RAP2A: variants seen among roughly 807,000 people sequenced by gnomAD.
The protein encoded by RAP2A is RAP2A, member of RAS oncogene family, also known as ras-related protein Rap-2a.
RAP2A carries 5 observed loss-of-function variants against 15.1 expected under a neutral mutation model. The ratio of observed to expected loss-of-function variants is 0.33; its 90% CI spans 0.17 to 0.70. RAP2A has a LOEUF of 0.70. Ranked by LOEUF, RAP2A falls within the 30% of genes least tolerant of loss-of-function variation. The pLI, the probability that RAP2A is intolerant of heterozygous loss-of-function variation, is 0.68. For synonymous variants in RAP2A, 110 were observed against 99.7 expected (o/e 1.10, Z -0.62); for missense variants, 111 against 240.3 (o/e 0.46, Z 3.56).
intron 1 of RAP2A, among the ~76,000 whole-genome samples, 195 bp from the exon 2 acceptor site, chr13:97,464,010 C>G (rs111762712): frequency 2.8e-4 from 42 of 152,144 alleles, no homozygotes; most frequent in African/African-American, 1.0e-3. Flanking sequence ...TCATAAAACT[C>G]ATTTTATCAT....
chr13:97,434,435 G>A lies in RAP2A; in HGVS notation c.-36G>A. Reference sequence around the variant, plus strand: ...AGCGCGGCCGGCGTAGGTCTATGTCGCGGGCGGCGGCGGCGGCGGCGGCCG... The same window carrying A: ...AGCGCGGCCGGCGTAGGTCTATGTCACGGGCGGCGGCGGCGGCGGCGGCCG... On this transcript the variant is annotated 5_prime_UTR_variant, in exon 1 of 2. Coordinates refer to ENST00000245304, the MANE Select transcript of RAP2A (RefSeq NM_021033.7). 4.5e-6 allele frequency: 7 copies of A among 1,545,764 alleles called. No individual in the cohort carries two copies. The highest frequency in any genetic ancestry group is 6.1e-6 in the Non-Finnish European group (7 of 1,146,154).
intron 1 of RAP2A, among the ~76,000 whole-genome samples, chr13:97,460,245 T>G (rs984309606): frequency 3.9e-5 from 6 of 152,206 alleles, no homozygotes; most frequent in Admixed American, 2.0e-4. Flanking sequence ...GATGCACACT[T>G]TCATATCTCT....
chr13:97,452,551 C>T (rs2066706060), intron 1 of RAP2A, among the ~76,000 whole-genome samples: 1 of 150,914 alleles, frequency 6.6e-6, no homozygotes. Context: ...GTGTCTAATC[C>T]TCCAGCTTTG....
At chr13:97,458,341 G>A (rs1347597959) in intron 1 of RAP2A, among the ~76,000 whole-genome samples, 2 of 152,052 alleles carry the variant, frequency 1.3e-5, no homozygotes, top group Non-Finnish European at 2.9e-5. Flanking sequence ...CTTTAAATAC[G>A]CTACGATGCA....
At chr13:97,443,844 A>G (rs1055895993) in intron 1 of RAP2A, among the ~76,000 whole-genome samples, 2 of 152,234 alleles carry the variant, frequency 1.3e-5, no homozygotes, top group Non-Finnish European at 2.9e-5. Flanking sequence ...AGCACTTATT[A>G]GTTATGTAAT....
chr13:97,447,247 G>A (rs1430227549), intron 1 of RAP2A, among the ~76,000 whole-genome samples: 1 of 152,186 alleles, frequency 6.6e-6, no homozygotes, highest in African/African-American at 2.4e-5. Flanking sequence ...TATTAAGAAT[G>A]TAGTGTATTA....
chr13:97,448,854 C>G (rs1404923393), intron 1 of RAP2A, among the ~76,000 whole-genome samples: 1 of 152,130 alleles, frequency 6.6e-6, no homozygotes, highest in Non-Finnish European at 1.5e-5. Context: ...CAAGGCACTG[C>G]CTCCCTAAGG....
intron 1 of RAP2A, among the ~76,000 whole-genome samples, chr13:97,441,193 T>C (rs533019616): frequency 6.6e-6 from 1 of 152,264 alleles, no homozygotes; most frequent in South Asian, 2.1e-4. Context: ...AAGTTTAATA[T>C]GAACCTTAAA....
intron 1 of RAP2A, among the ~76,000 whole-genome samples, chr13:97,459,727 G>T (rs779462757): frequency 5.3e-5 from 8 of 152,124 alleles, no homozygotes; most frequent in Non-Finnish European, 7.3e-5. Context: ...TTAAAACTGT[G>T]GCACCTGTGC....
chr13:97,445,297 C>G (rs2066674993), intron 1 of RAP2A, among the ~76,000 whole-genome samples: 1 of 152,180 alleles, frequency 6.6e-6, no homozygotes, highest in Non-Finnish European at 1.5e-5. Flanking sequence ...ACTTCGTGAA[C>G]CAACAGTCCC....
Position 97,456,134 on chromosome 13 carries a change from G to A in RAP2A, c.315-8071G>A, listed in dbSNP as rs139203096. 4.3e-3 allele frequency among the ~76,000 whole-genome samples: 623 copies of A among 144,526 alleles called. 29 individuals carry two copies. Among genetic ancestry groups the A allele is most frequent in the African/African-American group, 0.015 (592 of 38,522 alleles). 94.8% of individuals were successfully genotyped at this position (144,526 alleles called of 152,430 possible). A position where few individuals can be genotyped will look rare whatever the true frequency, so the allele number is the denominator to read the frequency against. On this transcript the variant is annotated intron_variant, in intron 1 of 1. Transcript: ENST00000245304. ...GAACTGTGAAATAAGAAGGAAAAAA[G>A]TGAGGGTTTTCAGCCCACACACATA... is the stretch of plus-strand genomic sequence containing the variant.
At chr13:97,435,875 T>C (rs1278294287) in intron 1 of RAP2A, 1 of 152,230 alleles carries the variant, frequency 6.6e-6, no homozygotes, top group Non-Finnish European at 1.5e-5. Flanking sequence ...TCTGAAGACC[T>C]TTACTGAAAG....
At chr13:97,459,212 A>G (rs759801556) in intron 1 of RAP2A, among the ~76,000 whole-genome samples, 1 of 152,096 alleles carries the variant, frequency 6.6e-6, no homozygotes, top group Non-Finnish European at 1.5e-5. Context: ...TACATTGAAC[A>G]GTTTGAGAAT....
chr13:97,442,910 CT>C (rs774350953), intron 1 of RAP2A, among the ~76,000 whole-genome samples: 1 of 152,144 alleles, frequency 6.6e-6, no homozygotes, highest in African/African-American at 2.4e-5. Context: ...TATAGCATAT[CT>C]TTTGAGAAAG....
In RAP2A at chr13:97,434,375, G is replaced by A; in HGVS notation, c.-96G>A. 1.0e-6 allele frequency: 1 copy of A among 961,916 alleles called. No homozygotes were observed. The highest frequency in any genetic ancestry group is 1.2e-6 in the Non-Finnish European group (1 of 809,624). 59.6% of individuals were successfully genotyped at this position (961,916 alleles called of 1,614,324 possible). A position where few individuals can be genotyped will look rare whatever the true frequency, so the allele number is the denominator to read the frequency against. On this transcript the variant is annotated 5_prime_UTR_variant, in exon 1 of 2. Transcript: ENST00000245304. ...GAGGTGGGGGCGGCAGCGGGAGGCG[G>A]CGGGGCGGGCCGCCGGGGCCGGGGC...
Position 97,464,274 on chromosome 13 carries a change from C to T in RAP2A, c.384C>T (p.Ser128=). 2 of 1,614,200 alleles carry T rather than the reference C, an allele frequency of 1.2e-6. No individual in the cohort carries two copies. The highest frequency in any genetic ancestry group is 2.2e-5 in the East Asian group (1 of 44,878). Reference sequence around the variant, plus strand: ...TGGAAAGTGAGAGAGAAGTATCGTCCAGCGAAGGCAGAGCCCTTGCTGAAG... The same window carrying T: ...TGGAAAGTGAGAGAGAAGTATCGTCTAGCGAAGGCAGAGCCCTTGCTGAAG... The part of the protein sequence containing the change: ...VDLESEREVS[S]SEGRALAEEW... Residue 128 remains serine, a synonymous_variant, in exon 2 of 2, where the codon TCC becomes TCT. Coordinates refer to ENST00000245304, the MANE Select transcript of RAP2A (RefSeq NM_021033.7).
At chr13:97,446,169 T>C (rs1393775552) in intron 1 of RAP2A, among the ~76,000 whole-genome samples, 1 of 152,236 alleles carries the variant, frequency 6.6e-6, no homozygotes, top group Non-Finnish European at 1.5e-5. Context: ...ATGCTTGTTG[T>C]TCTCTACATT....
chr13:97,454,619 C>T (rs2066715383), intron 1 of RAP2A, among the ~76,000 whole-genome samples: 1 of 151,030 alleles, frequency 6.6e-6, no homozygotes. Flanking sequence ...TATCAAAATC[C>T]TCAAAAAGGA....
rs2066622064 is a variant in RAP2A at position 97,434,233 on chromosome 13, C to G, written c.-238C>G. The G allele has an allele frequency of 6.7e-6, 1 of 149,590 alleles. No individual in the cohort carries two copies. The highest frequency in any genetic ancestry group is 1.5e-5 in the Non-Finnish European group (1 of 68,644). The allele number at this position is 149,590 out of a possible 1,614,324, so 9.3% of individuals were successfully genotyped here. A position where few individuals can be genotyped will look rare whatever the true frequency, so the allele number is the denominator to read the frequency against. ...GTCTCTCTCTCTGCTCGCCCTCAGT[C>G]CCACCCGGTGCCTACGGGGCCGCAT... On this transcript the variant is annotated 5_prime_UTR_variant, in exon 1 of 2. Transcript: ENST00000245304.
Sources: allele counts gnomAD v4.1 joint callset (sites outside exome capture counted in the v4.1 genomes callset), GRCh38; gene constraint gnomAD v4.1.1; transcripts MANE v1.5; gene names NCBI Gene and HGNC (gene_info 2026-07-23, HGNC 2026-07-21).